Variants in NEBL observed in about 807,000 individuals in gnomAD.
NEBL encodes the protein LIM and SH3 protein 2.
In NEBL, 122 loss-of-function variants were observed where a neutral mutation model predicts 140.2. The ratio of observed to expected loss-of-function variants is 0.87; its 90% CI spans 0.75 to 1.01. The LOEUF is 1.01. NEBL is among the 50% of genes least tolerant of loss of function. NEBL has a pLI of 0.00. For missense variants in NEBL, 1,365 were observed against 1,231.3 expected, an observed-to-expected ratio of 1.11 and a Z score of -1.62; for synonymous variants, 436 against 398.9, an observed-to-expected ratio of 1.09 and a Z score of -1.11.
chr10:20,879,205 A>G (rs1845789036), intron 5 of NEBL, among the ~76,000 whole-genome samples: 1 of 152,224 alleles, frequency 6.6e-6, no homozygotes, highest in African/African-American at 2.4e-5. Flanking sequence ...AGTGGAACAG[A>G]AAGAGCAGAC....
intron 3 of NEBL, among the ~76,000 whole-genome samples, chr10:20,982,993 G>A (rs1056365101): frequency 4.6e-5 from 7 of 152,126 alleles, no homozygotes; most frequent in African/African-American, 1.7e-4. Context: ...TAAAGAAAAT[G>A]TGAAGGCTGG....
intron 4 of NEBL, among the ~76,000 whole-genome samples, chr10:20,920,494 C>G (rs540190526): frequency 6.6e-6 from 1 of 152,224 alleles, no homozygotes; most frequent in South Asian, 2.1e-4. Context: ...GCTAAGGAGT[C>G]CAGGATACAG....
At chr10:20,909,250 T>G (rs1489855118) in intron 4 of NEBL, among the ~76,000 whole-genome samples, 1 of 151,832 alleles carries the variant, frequency 6.6e-6, no homozygotes, top group Non-Finnish European at 1.5e-5. Context: ...CATTCTATTT[T>G]TTTTTTTTTT....
At chr10:21,186,988 ATGTGTG>A (rs35359446) in intron 3 of NEBL, among the ~76,000 whole-genome samples, 9,742 of 141,896 alleles carry the variant, frequency 0.069, 816 homozygotes, top group African/African-American at 0.2. Context: ...CCAACTCTGT[ATGTGTG>A]TGTGTGTGTG....
chr10:21,263,529 A>G (rs1842764574), intron 1 of NEBL, among the ~76,000 whole-genome samples: 1 of 152,194 alleles, frequency 6.6e-6, no homozygotes, highest in African/African-American at 2.4e-5. Flanking sequence ...AAATTTTAGC[A>G]TAGCATGCTT....
chr10:20,962,210 TCTC>T (rs1237565342), intron 3 of NEBL, among the ~76,000 whole-genome samples: 3 of 152,184 alleles, frequency 2.0e-5, no homozygotes, highest in Admixed American at 2.0e-4. Flanking sequence ...TAAATCTTCT[TCTC>T]CTCCTGTGCC....
intron 2 of NEBL, among the ~76,000 whole-genome samples, chr10:21,102,854 T>C (rs1837536891): frequency 6.6e-6 from 1 of 152,134 alleles, no homozygotes; most frequent in South Asian, 2.1e-4. Context: ...AGTTCCAGGG[T>C]ACATGTGCAG....
rs530717940 is a variant in NEBL at position 20,813,409 on chromosome 10, C to A, written c.2347-469G>T. On this transcript the variant is annotated intron_variant, in intron 23 of 27. Coordinates refer to ENST00000377122, the MANE Select transcript of NEBL (RefSeq NM_006393.3). ...ATATATACCACTTTTAATATAATTA[C>A]AAAAACTTATACTTCAAAATATACT... Among the ~76,000 whole-genome samples, 69 of 151,984 alleles carry A rather than the reference C, an allele frequency of 4.5e-4. 1 individual carries two copies. The highest frequency in any genetic ancestry group is 1.6e-3 in the African/African-American group (65 of 41,480).
intron 4 of NEBL, among the ~76,000 whole-genome samples, chr10:20,930,384 C>T (rs1834125295): frequency 1.3e-5 from 2 of 152,166 alleles, no homozygotes; most frequent in Admixed American, 1.3e-4. Flanking sequence ...TAGTCCAAAC[C>T]ACCCTATCTC....
At chr10:20,952,788 C>T (rs1423922796) in intron 4 of NEBL, among the ~76,000 whole-genome samples, 1 of 150,652 alleles carries the variant, frequency 6.6e-6, no homozygotes, top group African/African-American at 2.4e-5. Context: ...GCCTGTAATC[C>T]CAGCTACTCA....
At chr10:21,171,350 GAAAAAAAAA>G (rs59257677) in intron 2 of NEBL, among the ~76,000 whole-genome samples, 1 of 81,598 alleles carries the variant, frequency 1.2e-5, no homozygotes, top group African/African-American at 4.8e-5. Context: ...AAAAAAAAAA[GAAAAAAAAA>G]AAAGAAAGAA....
At chr10:21,163,790 T>A (rs748410611) in intron 2 of NEBL, among the ~76,000 whole-genome samples, 4 of 152,224 alleles carry the variant, frequency 2.6e-5, no homozygotes, top group African/African-American at 4.8e-5. Flanking sequence ...CACATCGAAC[T>A]AGTTCTCTTC....
At chr10:21,038,480 T>C (rs1218611972) in intron 2 of NEBL, among the ~76,000 whole-genome samples, 1 of 109,134 alleles carries the variant, frequency 9.2e-6, no homozygotes, top group African/African-American at 3.3e-5. Context: ...TCTTGTCCTG[T>C]GTTAGTTTGC....
Position 20,969,612 on chromosome 10 carries a change from C to A in NEBL, c.250-7833G>T, listed in dbSNP as rs544922145. On this transcript the variant is annotated intron_variant, in intron 3 of 6. Transcript: ENST00000417816. ...CCAGGTTGGAGTGCAGTGGCACAAT[C>A]TTGATTCACTGCAACCACTGCCTCC... Among the ~76,000 whole-genome samples the A allele has an allele frequency of 5.0e-5, 7 of 138,752 alleles. No individual in the cohort carries two copies. In the East Asian group the frequency reaches 1.3e-3, roughly 26 times the overall value. The allele number at this position is 138,752 out of a possible 152,430, so 91.0% of individuals were successfully genotyped here.
intron 3 of NEBL, among the ~76,000 whole-genome samples, chr10:21,018,415 G>T (rs1217903705): frequency 6.6e-6 from 1 of 152,258 alleles, no homozygotes; most frequent in East Asian, 1.9e-4. Context: ...ACCCCTGGGG[G>T]TGTGAATGAA....
chr10:20,912,924 C>A (rs1435709001), intron 4 of NEBL, among the ~76,000 whole-genome samples: 1 of 145,640 alleles, frequency 6.9e-6, no homozygotes, highest in Non-Finnish European at 1.5e-5. Flanking sequence ...TCTCTGTTAC[C>A]CAGGCTTTAA....
At chr10:21,178,276 A>G (rs1406031502), upstream of NEBL, among the ~76,000 whole-genome samples, 1 of 152,230 alleles carries the variant, frequency 6.6e-6, no homozygotes, top group Non-Finnish European at 1.5e-5. Context: ...TTCAACATAT[A>G]GTTATTGGTA....
At chr10:20,808,363 G>A (rs1467010425) in intron 26 of NEBL, 147 bp downstream of exon 26, 585 of 688,074 alleles carry the variant, frequency 8.5e-4, no homozygotes, top group South Asian at 2.4e-3. Context: ...AAAAAAAAAA[G>A]ACTATTAACT....
rs570652994 is a variant in NEBL, at chr10:20,837,883, T to C, written c.1339-2260A>G. ...ATAACAAAGCCTGGATGACAGCACA[T>C]TTGTTTAAAGTATGGTTTACTGAAT... On this transcript the variant is annotated intron_variant, in intron 13 of 27. Transcript: ENST00000377122. Among the ~76,000 whole-genome samples the C allele has an allele frequency of 4.7e-4, 71 of 152,288 alleles. 3 individuals carry two copies. The South Asian group carries it at 0.014, about 30-fold the overall frequency.
Sources: gnomAD v4.1 joint callset for allele counts (sites outside exome capture counted in the v4.1 genomes callset) on GRCh38, gnomAD v4.1.1 for gene constraint, MANE v1.5 for transcripts, NCBI Gene and HGNC (gene_info 2026-07-23, HGNC 2026-07-21) for gene names.